PDS5B: variants seen among roughly 807,000 people sequenced by gnomAD.
PDS5B encodes PDS5 cohesin associated factor B, also known as sister chromatid cohesion protein PDS5 homolog B.
In PDS5B, 51 loss-of-function variants were observed where a neutral mutation model predicts 184.1. That is an observed-to-expected ratio of 0.28 (90% CI 0.22 to 0.35). PDS5B has a LOEUF of 0.35. PDS5B is among the 10% of genes least tolerant of loss of function. The pLI is 1.00. For missense variants in PDS5B, 1,180 were observed against 1,723.3 expected (o/e 0.68, Z 5.58); for synonymous variants, 566 against 569.2 (o/e 0.99, Z 0.08).
intron 19 of PDS5B, among the ~76,000 whole-genome samples, 157 bp downstream of exon 19, chr13:32,710,263 A>G (rs1952162969): frequency 6.6e-6 from 1 of 152,194 alleles, no homozygotes; most frequent in Admixed American, 6.5e-5. Context: ...TCCTGGGAGA[A>G]AGCTTTGATT....
chr13:32,711,889 C>T (rs772939793), intron 19 of PDS5B, among the ~76,000 whole-genome samples: 60 of 152,300 alleles, frequency 3.9e-4, no homozygotes, highest in Admixed American at 1.9e-3. Flanking sequence ...CTCATTTAAA[C>T]ATTGTAACAA....
chr13:32,706,657 A>G (rs757140257), intron 17 of PDS5B, among the ~76,000 whole-genome samples: 7 of 152,202 alleles, frequency 4.6e-5, no homozygotes, highest in African/African-American at 7.2e-5. Flanking sequence ...CAGACCTGCC[A>G]TGGAAAAGAT....
At chr13:32,704,060 T>C (rs1324183482) in intron 17 of PDS5B, among the ~76,000 whole-genome samples, 2 of 152,230 alleles carry the variant, frequency 1.3e-5, no homozygotes, top group Non-Finnish European at 2.9e-5. Context: ...TAAATGTCAG[T>C]CATTTCCTTT....
At chr13:32,755,157 A>G (rs1400402021) in intron 25 of PDS5B, among the ~76,000 whole-genome samples, 3 of 152,198 alleles carry the variant, frequency 2.0e-5, no homozygotes, top group East Asian at 3.8e-4. Context: ...TATTTGGCAA[A>G]TAGGAAATAT....
rs567299052 is a variant in PDS5B, at chr13:32,647,666, A to G, written c.-19-1088A>G. 7.2e-5 allele frequency among the ~76,000 whole-genome samples: 11 copies of G among 152,134 alleles called. No homozygotes were observed. In the South Asian group the frequency reaches 2.1e-3, roughly 29 times the overall value. ...GTATTTTTTCATTTTTAGAAGTTCTATTTAAAAAAAATCTTCTAGTTTAGT... is the reference window on the plus strand; with the variant it reads ...GTATTTTTTCATTTTTAGAAGTTCTGTTTAAAAAAAATCTTCTAGTTTAGT... On this transcript the variant is annotated intron_variant, in intron 1 of 34. Transcript: ENST00000315596.
intron 19 of PDS5B, among the ~76,000 whole-genome samples, chr13:32,730,718 G>C (rs1252692006): frequency 6.6e-6 from 1 of 152,070 alleles, no homozygotes; most frequent in Non-Finnish European, 1.5e-5. Flanking sequence ...ATTGTGAATG[G>C]GAGCTCACTC....
intron 1 of PDS5B, among the ~76,000 whole-genome samples, chr13:32,597,904 AT>A (rs751316988): frequency 2.6e-5 from 4 of 151,378 alleles, no homozygotes; most frequent in African/African-American, 9.7e-5. Flanking sequence ...AAAATGATGA[AT>A]TTTTTTTTAA....
intron 13 of PDS5B, among the ~76,000 whole-genome samples, chr13:32,692,008 C>G (rs1431603086): frequency 6.6e-6 from 1 of 152,002 alleles, no homozygotes; most frequent in Non-Finnish European, 1.5e-5. Flanking sequence ...AACACCTGTT[C>G]CTCTTTATGC....
In PDS5B at chr13:32,773,243, A is replaced by G; in HGVS notation, c.4227A>G (p.Glu1409=). The G allele has an allele frequency of 6.2e-7, 1 of 1,613,320 alleles. No homozygotes were observed. The highest frequency in any genetic ancestry group is 2.2e-5 in the East Asian group (1 of 44,804). Residue 1409 remains glutamate (E), a synonymous_variant, in exon 34 of 35, where the codon GAA becomes GAG. Transcript: ENST00000315596. Reference sequence around the variant, plus strand: ...CTAAGGAAAATGATTCAAGTGAAGAAGTAGATGTGTTTCAGGGTAGCTCTC... The same window carrying G: ...CTAAGGAAAATGATTCAAGTGAAGAGGTAGATGTGTTTCAGGGTAGCTCTC... The part of the protein sequence containing the change: ...AATKENDSSE[E]VDVFQGSSPV...
chr13:32,631,790 T>C (rs2058459621), intron 1 of PDS5B, among the ~76,000 whole-genome samples: 1 of 152,214 alleles, frequency 6.6e-6, no homozygotes. Flanking sequence ...TTGGCTTCTT[T>C]ACAACATGAA....
chr13:32,645,713 G>C (rs1950201704), intron 1 of PDS5B, among the ~76,000 whole-genome samples: 1 of 152,078 alleles, frequency 6.6e-6, no homozygotes, highest in Middle Eastern at 3.2e-3. Flanking sequence ...GTTTTGTTAA[G>C]CTTTTTGTTG....
At chr13:32,686,154 T>C (rs550351298) in intron 11 of PDS5B, among the ~76,000 whole-genome samples, 2 of 152,324 alleles carry the variant, frequency 1.3e-5, no homozygotes, top group African/African-American at 4.8e-5. Flanking sequence ...CATTACCAGC[T>C]TCCTTTTGAT....
chr13:32,722,820 A>C (rs1159594822), intron 19 of PDS5B, among the ~76,000 whole-genome samples: 1 of 152,250 alleles, frequency 6.6e-6, no homozygotes, highest in East Asian at 1.9e-4. Context: ...ATCACCCAAC[A>C]GACTGCCAAA....
At position 32,652,046 on chromosome 13, in the gene PDS5B, CTTTGA is replaced by C. The variant is rs1394851588; in HGVS notation, c.312+43_312+47del. On this transcript the variant is annotated intron_variant, in intron 3 of 34. Coordinates refer to ENST00000315596, the MANE Select transcript of PDS5B (RefSeq NM_015032.4). ...TAAATAACTCCAAGATTGACCGATA[CTTTGA>C]TTTATCTTTCTAACTAAAATGGGAG... 5 of 1,348,556 alleles carry C rather than the reference CTTTGA, an allele frequency of 3.7e-6. No individual in the cohort carries two copies. The Admixed American group carries it at 5.0e-5, about 14-fold the overall frequency. The allele number at this position is 1,348,556 out of a possible 1,614,324, so 83.5% of individuals were successfully genotyped here.
intron 19 of PDS5B, among the ~76,000 whole-genome samples, chr13:32,726,653 G>A (rs1952911185): frequency 6.6e-6 from 1 of 152,140 alleles, no homozygotes. Context: ...AGGCTTTTGT[G>A]TCTGAGAATA....
At chr13:32,660,272 T>C (rs2140705078) in intron 6 of PDS5B, among the ~76,000 whole-genome samples, 1 of 152,316 alleles carries the variant, frequency 6.6e-6, no homozygotes, top group Middle Eastern at 3.4e-3. Flanking sequence ...CATCGTCTCC[T>C]TCACCTTGGT....
chr13:32,605,610 C>A (rs1027295504), intron 1 of PDS5B, among the ~76,000 whole-genome samples: 1 of 152,098 alleles, frequency 6.6e-6, no homozygotes, highest in Admixed American at 6.6e-5. Context: ...GAGGTTAGTT[C>A]AAGTCCTGGA....
chr13:32,663,878 C>T (rs142636962), intron 6 of PDS5B, among the ~76,000 whole-genome samples: 16 of 152,294 alleles, frequency 1.1e-4, no homozygotes, highest in African/African-American at 3.8e-4. Flanking sequence ...TGTTCCCTCT[C>T]TGCCTTCTGA....
intron 14 of PDS5B, among the ~76,000 whole-genome samples, chr13:32,696,077 G>A (rs1951694022): frequency 6.6e-6 from 1 of 151,986 alleles, no homozygotes; most frequent in African/African-American, 2.4e-5. Context: ...CCAAATAGTT[G>A]GGAATTAATT....
Sources: gnomAD v4.1 joint callset for allele counts (sites outside exome capture counted in the v4.1 genomes callset) on GRCh38, gnomAD v4.1.1 for gene constraint, MANE v1.5 for transcripts, NCBI Gene and HGNC (gene_info 2026-07-23, HGNC 2026-07-21) for gene names.